ZFHX3: variants seen among roughly 807,000 people sequenced by gnomAD.
ZFHX3 encodes the protein zinc finger homeobox 3.
Under a neutral mutation model 279.1 loss-of-function variants are expected in ZFHX3, and 42 were observed. The observed-to-expected ratio is 0.15, with a 90% CI of 0.12 to 0.19. The LOEUF (loss-of-function observed/expected upper bound fraction) is 0.19, where lower values mean the gene tolerates loss of function less well. Among genes scored for constraint, ZFHX3 ranks in the 10% least tolerant of loss-of-function variants. ZFHX3 has a pLI of 1.00. For missense variants in ZFHX3, 4,981 were observed against 4,754.0 expected (o/e 1.05, Z -1.40); for synonymous variants, 2,293 against 1,957.8 (o/e 1.17, Z -4.52).
At chr16:72,995,713 C>A (rs1430919792) in intron 1 of ZFHX3, among the ~76,000 whole-genome samples, 1 of 152,180 alleles carries the variant, frequency 6.6e-6, no homozygotes, top group Admixed American at 6.5e-5. Context: ...CTGCCACTCC[C>A]TAGCTGCAAG....
rs571276345 is a variant in ZFHX3 at position 73,471,487 on chromosome 16, C to T, written c.-1546-15229G>A. Among the ~76,000 whole-genome samples the T allele has an allele frequency of 3.3e-5, 5 of 152,190 alleles. No homozygotes were observed. In the South Asian group the frequency reaches 1.0e-3, roughly 32 times the overall value. On this transcript the variant is annotated intron_variant, in intron 2 of 17. Coordinates refer to the ZFHX3 transcript ENST00000641206. ...GCAATGGTGCAATCTTGGCTCACTG[C>T]AACCTCCACCTCCCAGGTTCAAGTG...
intron 2 of ZFHX3, among the ~76,000 whole-genome samples, chr16:73,677,807 AT>A (rs527749825): frequency 4.2e-4 from 64 of 152,164 alleles, no homozygotes; most frequent in African/African-American, 2.9e-4. Context: ...GCACAAAAAA[AT>A]AATTATACTA....
intron 2 of ZFHX3, among the ~76,000 whole-genome samples, chr16:73,587,562 A>G (rs1365357198): frequency 6.6e-6 from 1 of 152,132 alleles, no homozygotes; most frequent in African/African-American, 2.4e-5. Context: ...ACTCCACCAC[A>G]CTCATCATAA....
chr16:73,149,323 T>C (rs979062373), intron 5 of ZFHX3, among the ~76,000 whole-genome samples: 1 of 150,228 alleles, frequency 6.7e-6, no homozygotes, highest in Non-Finnish European at 1.5e-5. Context: ...AATATTAATG[T>C]CATTAATATA....
chr16:72,804,222 G>C (rs910326418), intron 7 of ZFHX3, among the ~76,000 whole-genome samples: 1 of 152,190 alleles, frequency 6.6e-6, no homozygotes, highest in Non-Finnish European at 1.5e-5. Context: ...TTGAAAAGGA[G>C]TAGCCTTGAG....
chr16:73,682,460 C>G (rs2053020542), intron 1 of ZFHX3, among the ~76,000 whole-genome samples: 1 of 152,034 alleles, frequency 6.6e-6, no homozygotes, highest in Non-Finnish European at 1.5e-5. Context: ...ACCATCTAGA[C>G]AAACCATAAT....
chr16:73,255,289 T>G (rs2013632011), intron 5 of ZFHX3, among the ~76,000 whole-genome samples: 1 of 152,218 alleles, frequency 6.6e-6, no homozygotes, highest in South Asian at 2.1e-4. Context: ...GATTCAGTAT[T>G]TGAGACATTA....
Position 73,266,109 on chromosome 16 carries a change from T to C in ZFHX3, c.-1193-8973A>G, listed in dbSNP as rs373975077. On this transcript the variant is annotated intron_variant, in intron 4 of 17. Coordinates refer to the ZFHX3 transcript ENST00000641206. ...GGAGAAAGATCTAGCTGCTCTCCCA[T>C]TCATCAAAATGTGGCAGGGCAGTGA... 2.2e-4 allele frequency among the ~76,000 whole-genome samples: 34 copies of C among 152,348 alleles called. No individual in the cohort carries two copies. The South Asian group carries it at 5.6e-3, about 25-fold the overall frequency.
At chr16:73,839,887 T>C (rs1236125446) in intron 1 of ZFHX3, among the ~76,000 whole-genome samples, 1 of 152,208 alleles carries the variant, frequency 6.6e-6, no homozygotes, top group Non-Finnish European at 1.5e-5. Context: ...AGATGCTTGG[T>C]GTACACCAGG....
At chr16:72,974,161 G>A (rs62053221) in intron 1 of ZFHX3, among the ~76,000 whole-genome samples, 9,347 of 152,280 alleles carry the variant, frequency 0.061, 314 homozygotes, top group Non-Finnish European at 0.075. Flanking sequence ...GAAGCAGCCA[G>A]GAGCCTTAAG....
At chr16:73,353,063 G>C (rs1003119126) in intron 3 of ZFHX3, among the ~76,000 whole-genome samples, 3 of 152,178 alleles carry the variant, frequency 2.0e-5, no homozygotes, top group Non-Finnish European at 4.4e-5. Flanking sequence ...AATCCACACA[G>C]GCAGTGACAA....
chr16:73,205,061 T>A (rs1364374056), intron 5 of ZFHX3, among the ~76,000 whole-genome samples: 1 of 152,076 alleles, frequency 6.6e-6, no homozygotes, highest in Non-Finnish European at 1.5e-5. Flanking sequence ...CACTAGCAAG[T>A]GGAATAACGA....
chr16:73,157,273 G>T (rs866402279), intron 5 of ZFHX3, among the ~76,000 whole-genome samples: 3 of 151,856 alleles, frequency 2.0e-5, no homozygotes, highest in Non-Finnish European at 2.9e-5. Context: ...TGGGTTTTCC[G>T]TGACAGTTGT....
At position 73,697,658 on chromosome 16, in the gene ZFHX3, C is replaced by A. The variant is rs1370019865; in HGVS notation, c.-1607-17418G>T. 2.0e-5 allele frequency among the ~76,000 whole-genome samples: 3 copies of A among 152,062 alleles called. No individual in the cohort carries two copies. In the East Asian group the frequency reaches 5.8e-4, roughly 29 times the overall value. ...TCTACATTAAGTTCACAGTCCTGACCTGGATATGTGCTAAATTCCAGTTTT... is the reference window on the plus strand; with the variant it reads ...TCTACATTAAGTTCACAGTCCTGACATGGATATGTGCTAAATTCCAGTTTT... On this transcript the variant is annotated intron_variant, in intron 1 of 17. Transcript: ENST00000641206.
At chr16:72,884,205 G>A (rs2038566707) in intron 4 of ZFHX3, among the ~76,000 whole-genome samples, 1 of 152,110 alleles carries the variant, frequency 6.6e-6, no homozygotes, top group Non-Finnish European at 1.5e-5. Context: ...ATCAAATGAG[G>A]CCAGTGAGTG....
intron 5 of ZFHX3, among the ~76,000 whole-genome samples, chr16:73,209,233 C>T (rs1490256710): frequency 1.3e-5 from 2 of 152,124 alleles, no homozygotes; most frequent in Non-Finnish European, 2.9e-5. Flanking sequence ...TAATATATTT[C>T]AGTGAAAATG....
chr16:73,724,124 G>A (rs1166819972), intron 1 of ZFHX3, among the ~76,000 whole-genome samples: 1 of 152,174 alleles, frequency 6.6e-6, no homozygotes, highest in Non-Finnish European at 1.5e-5. Flanking sequence ...ATAAGGTTAG[G>A]TGGAAAATAT....
At chr16:73,446,976 C>T (rs180970869) in intron 3 of ZFHX3, among the ~76,000 whole-genome samples, 281 of 152,012 alleles carry the variant, frequency 1.8e-3, no homozygotes, top group African/African-American at 6.2e-3. Context: ...GTCAGGAGAT[C>T]GAGACCATCC....
chr16:73,779,678 G>A (rs750843477), intron 1 of ZFHX3, among the ~76,000 whole-genome samples: 14 of 152,176 alleles, frequency 9.2e-5, no homozygotes, highest in Admixed American at 2.0e-4. Context: ...TTATGCTCCC[G>A]TTGTACAACA....
Sources: allele counts gnomAD v4.1 joint callset (sites outside exome capture counted in the v4.1 genomes callset), GRCh38; gene constraint gnomAD v4.1.1; transcripts MANE v1.5; gene names NCBI Gene and HGNC (gene_info 2026-07-23, HGNC 2026-07-21).